The following CCDC3 variants were observed in gnomAD, a reference collection of about 807,000 sequenced individuals.
The protein encoded by CCDC3 is coiled-coil domain containing 3, also known as coiled-coil domain-containing protein 3.
CCDC3 carries 24 observed loss-of-function variants against 21.4 expected under a neutral mutation model. The observed-to-expected ratio is 1.12, with a 90% CI of 0.81 to 1.58. The LOEUF is 1.58. Among genes scored for constraint, CCDC3 ranks in the 40% most tolerant of loss-of-function variants. The pLI, the probability that CCDC3 is intolerant of heterozygous loss-of-function variation, is 0.00. For missense variants in CCDC3, 425 were observed against 360.9 expected (o/e 1.18, Z -1.44); for synonymous variants, 186 against 166.0 (o/e 1.12, Z -0.93).
At chr10:13,061,119 T>C (rs1228850422) in intron 4 of CCDC3, among the ~76,000 whole-genome samples, 1 of 152,142 alleles carries the variant, frequency 6.6e-6, no homozygotes, top group Non-Finnish European at 1.5e-5. Flanking sequence ...TTTCTGAGGA[T>C]GAAATGAGAG....
intron 2 of CCDC3, among the ~76,000 whole-genome samples, chr10:12,920,194 T>G (rs1176864388): frequency 6.6e-6 from 1 of 152,110 alleles, no homozygotes; most frequent in Admixed American, 6.5e-5. Flanking sequence ...ACGTCTTACA[T>G]GGCGGCAGGC....
At chr10:12,907,032 A>G (rs1834183756) in intron 2 of CCDC3, among the ~76,000 whole-genome samples, 1 of 152,090 alleles carries the variant, frequency 6.6e-6, no homozygotes, top group Non-Finnish European at 1.5e-5. Context: ...GTTCCTCCTG[A>G]AGTCTTCCTA....
At chr10:13,065,513 G>A (rs1015237916) in intron 4 of CCDC3, among the ~76,000 whole-genome samples, 7 of 151,964 alleles carry the variant, frequency 4.6e-5, no homozygotes, top group African/African-American at 1.7e-4. Context: ...TTTAATCCTG[G>A]GCATGCTTGG....
chr10:13,042,634 C>G (rs954934121), intron 5 of CCDC3, among the ~76,000 whole-genome samples: 1 of 150,534 alleles, frequency 6.6e-6, no homozygotes, highest in Non-Finnish European at 1.5e-5. Flanking sequence ...CTCAGCCGGG[C>G]GTGGTGGCTC....
intron 5 of CCDC3, among the ~76,000 whole-genome samples, chr10:13,048,295 A>C (rs894452146): frequency 1.3e-5 from 2 of 151,946 alleles, no homozygotes; most frequent in African/African-American, 4.8e-5. Flanking sequence ...AGGTTCAAGC[A>C]ATTCTCCTGC....
intron 2 of CCDC3, among the ~76,000 whole-genome samples, chr10:12,939,160 C>G (rs774851136): frequency 2.0e-5 from 3 of 152,046 alleles, no homozygotes; most frequent in African/African-American, 7.3e-5. Flanking sequence ...CTTCCGCATT[C>G]GCCCTTATCA....
chr10:13,031,216 G>C (rs140800081), intron 5 of CCDC3, among the ~76,000 whole-genome samples: 1,537 of 152,254 alleles, frequency 0.01, 16 homozygotes, highest in Non-Finnish European at 0.014. Flanking sequence ...CAACTACATG[G>C]AAACTGAACA....
At chr10:13,016,753 C>A (rs1356993417) in intron 5 of CCDC3, among the ~76,000 whole-genome samples, 7 of 152,020 alleles carry the variant, frequency 4.6e-5, no homozygotes, top group Non-Finnish European at 8.8e-5. Flanking sequence ...GAATCCGGTT[C>A]TATAAAAGGA....
intron 2 of CCDC3, among the ~76,000 whole-genome samples, chr10:12,962,979 A>G (rs1039592911): frequency 3.9e-5 from 6 of 152,332 alleles, no homozygotes; most frequent in East Asian, 1.9e-4. Context: ...TTACATACTT[A>G]TATACACTAT....
intron 5 of CCDC3, among the ~76,000 whole-genome samples, chr10:13,011,390 A>G (rs926046218): frequency 6.6e-6 from 1 of 152,154 alleles, no homozygotes; most frequent in African/African-American, 2.4e-5. Flanking sequence ...CTATACACTA[A>G]TAGCACTCAA....
At chr10:12,924,579 T>G (rs890302868) in intron 2 of CCDC3, 5 of 152,216 alleles carry the variant, frequency 3.3e-5, no homozygotes, top group Non-Finnish European at 1.5e-5. Flanking sequence ...TTAACATCCA[T>G]TTTCCAGTTT....
At chr10:12,899,768 T>A (rs1834065042) in intron 2 of CCDC3, among the ~76,000 whole-genome samples, 2 of 152,054 alleles carry the variant, frequency 1.3e-5, no homozygotes, top group Admixed American at 6.5e-5. Context: ...ACACTATCTC[T>A]GGGAGCATAT....
intron 3 of CCDC3, among the ~76,000 whole-genome samples, chr10:13,078,152 C>T (rs1307975593): frequency 6.6e-6 from 1 of 152,116 alleles, no homozygotes; most frequent in Middle Eastern, 3.2e-3. Context: ...AGAACTTAAA[C>T]AAATTTATAA....
rs542581975 is a variant in CCDC3, at chr10:12,970,737, G to A, written c.549+27601C>T. ...CCTGTCTTTACCAAAAATACAAAACGTAGCTGGGCATGGTGGCAGACACCT... is the reference window on the plus strand; with the variant it reads ...CCTGTCTTTACCAAAAATACAAAACATAGCTGGGCATGGTGGCAGACACCT... On this transcript the variant is annotated intron_variant, in intron 2 of 2. Transcript: ENST00000378825. Among the ~76,000 whole-genome samples the A allele has an allele frequency of 2.6e-5, 4 of 152,060 alleles. No homozygotes were observed. In the South Asian group the frequency reaches 6.2e-4, roughly 24 times the overall value.
At chr10:12,899,750 A>C (rs1422693193) in intron 2 of CCDC3, among the ~76,000 whole-genome samples, 1 of 152,032 alleles carries the variant, frequency 6.6e-6, no homozygotes, top group Non-Finnish European at 1.5e-5. Context: ...GTCCGTTTAA[A>C]TATGCATACA....
At chr10:13,042,825 C>T (rs576453924) in intron 5 of CCDC3, among the ~76,000 whole-genome samples, 5 of 146,764 alleles carry the variant, frequency 3.4e-5, no homozygotes, top group South Asian at 2.2e-4. Flanking sequence ...AGGAGAATGG[C>T]GCGAACCTGG....
At chr10:13,046,505 C>T (rs1233189639) in intron 5 of CCDC3, among the ~76,000 whole-genome samples, 1 of 151,322 alleles carries the variant, frequency 6.6e-6, no homozygotes, top group East Asian at 1.9e-4. Flanking sequence ...GAGTTCAAGA[C>T]CAGCCTGGCC....
intron 5 of CCDC3, among the ~76,000 whole-genome samples, chr10:13,038,389 A>AAG (rs886384917): frequency 4.6e-5 from 7 of 151,968 alleles, no homozygotes; most frequent in African/African-American, 7.2e-5. Context: ...AAAAAAAAAA[A>AAG]AAAGAAAGCT....
chr10:13,047,045 G>T (rs1236614194), intron 5 of CCDC3, among the ~76,000 whole-genome samples: 1 of 152,100 alleles, frequency 6.6e-6, no homozygotes, highest in African/African-American at 2.4e-5. Flanking sequence ...ATGAGAGAGG[G>T]TGAGGGATGT....
Sources: allele counts gnomAD v4.1 joint callset (sites outside exome capture counted in the v4.1 genomes callset), GRCh38; gene constraint gnomAD v4.1.1; transcripts MANE v1.5; gene names NCBI Gene and HGNC (gene_info 2026-07-23, HGNC 2026-07-21).